Variants in DSCAM observed in about 807,000 individuals in gnomAD.
DSCAM encodes DS cell adhesion molecule, also known as cell adhesion molecule DSCAM.
DSCAM carries 47 observed loss-of-function variants against 217.7 expected under a neutral mutation model. The observed-to-expected ratio is 0.22, with a 90% confidence interval of 0.17 to 0.28. DSCAM has a LOEUF of 0.28. Ranked by LOEUF, DSCAM falls within the 10% of genes least tolerant of loss-of-function variation. DSCAM has a pLI of 1.00. For missense variants in DSCAM, 2,080 were observed against 2,618.3 expected, an observed-to-expected ratio of 0.79 and a Z score of 4.49; for synonymous variants, 1,056 against 1,015.3, an observed-to-expected ratio of 1.04 and a Z score of -0.76.
At chr21:40,317,502 A>G (rs1400902407) in intron 8 of DSCAM, among the ~76,000 whole-genome samples, 1 of 152,104 alleles carries the variant, frequency 6.6e-6, no homozygotes, top group Non-Finnish European at 1.5e-5. Context: ...AGTGGGATAA[A>G]TAGTGTCCTG....
intron 3 of DSCAM, among the ~76,000 whole-genome samples, chr21:40,369,697 T>C (rs2123699395): frequency 6.6e-6 from 1 of 152,226 alleles, no homozygotes; most frequent in Middle Eastern, 3.4e-3. Flanking sequence ...TATAAACTTT[T>C]GCCTCAGTTT....
intron 28 of DSCAM, among the ~76,000 whole-genome samples, chr21:40,062,090 G>A (rs931392494): frequency 1.3e-5 from 2 of 152,194 alleles, no homozygotes; most frequent in Admixed American, 1.3e-4. Context: ...AGAGTAAAAA[G>A]GTTGGACAGC....
intron 3 of DSCAM, among the ~76,000 whole-genome samples, chr21:40,641,973 G>A (rs2089886122): frequency 6.6e-6 from 1 of 151,676 alleles, no homozygotes; most frequent in African/African-American, 2.4e-5. Context: ...GTTTGAACCC[G>A]GGAGGCAGAG....
chr21:40,323,593 A>T (rs934728862), intron 8 of DSCAM, among the ~76,000 whole-genome samples: 3 of 152,232 alleles, frequency 2.0e-5, no homozygotes, highest in African/African-American at 7.2e-5. Context: ...CTTAAAAAAA[A>T]TGCTGTGTTT....
At chr21:40,405,290 AC>A (rs2075270975) in intron 3 of DSCAM, among the ~76,000 whole-genome samples, 2 of 152,176 alleles carry the variant, frequency 1.3e-5, no homozygotes, top group South Asian at 4.1e-4. Context: ...TCCCTCTGAG[AC>A]CTTGTGTATA....
In DSCAM at chr21:40,446,406, C is replaced by A. The variant is rs530795862; in HGVS notation, c.509-77161G>T. On this transcript the variant is annotated intron_variant, in intron 3 of 32. Transcript: ENST00000400454. ...GCCACTGGGCACAAGGAATGTCAGC[C>A]CATCTTGGATGTTGTCAGTGGAAAT... 4.6e-5 allele frequency among the ~76,000 whole-genome samples: 7 copies of A among 152,254 alleles called. No homozygotes were observed. The South Asian group carries it at 1.5e-3, about 32-fold the overall frequency.
chr21:40,298,995 C>T (rs1221563038), intron 9 of DSCAM, among the ~76,000 whole-genome samples: 2 of 152,016 alleles, frequency 1.3e-5, no homozygotes, highest in Non-Finnish European at 2.9e-5. Flanking sequence ...TACCCCGTAT[C>T]ATTGAAAACT....
At chr21:40,659,691 T>C (rs1177485160) in intron 3 of DSCAM, among the ~76,000 whole-genome samples, 3 of 152,180 alleles carry the variant, frequency 2.0e-5, no homozygotes, top group African/African-American at 7.2e-5. Context: ...GTCTATCTAT[T>C]ATCTATCTAT....
intron 3 of DSCAM, among the ~76,000 whole-genome samples, chr21:40,417,216 T>C (rs1230419070): frequency 1.3e-5 from 2 of 152,198 alleles, no homozygotes; most frequent in African/African-American, 4.8e-5. Context: ...CAATATATAA[T>C]ATTTCATACA....
At chr21:40,477,779 T>C (rs574180283) in intron 3 of DSCAM, among the ~76,000 whole-genome samples, 4 of 152,280 alleles carry the variant, frequency 2.6e-5, no homozygotes, top group Non-Finnish European at 5.9e-5. Flanking sequence ...ATTGTTAACA[T>C]TTTATTCAGT....
chr21:40,785,825 G>A (rs987509496), intron 1 of DSCAM, among the ~76,000 whole-genome samples: 1 of 152,220 alleles, frequency 6.6e-6, no homozygotes, highest in South Asian at 2.1e-4. Flanking sequence ...GAAGGGTAGA[G>A]ACAGACCCAC....
At position 40,431,270 on chromosome 21, in the gene DSCAM, G is replaced by T. The variant is rs539895786; in HGVS notation, c.509-62025C>A. On this transcript the variant is annotated intron_variant, in intron 3 of 32. Transcript: ENST00000400454. Reference sequence around the variant, plus strand: ...GATACACAAATTTTCTTCTGCCTCTGCCCCTCCTGAGATGAATCCTTCTCC... The same window carrying T: ...GATACACAAATTTTCTTCTGCCTCTTCCCCTCCTGAGATGAATCCTTCTCC... 1.8e-4 allele frequency among the ~76,000 whole-genome samples: 28 copies of T among 152,294 alleles called. 1 individual carries two copies. The South Asian group carries it at 5.4e-3, about 29-fold the overall frequency.
Position 40,620,080 on chromosome 21 carries a change from AAAAGAAAGAGAGAG to A in DSCAM, c.508+72716_508+72729del, listed in dbSNP as rs1405990634. 1.6e-4 allele frequency among the ~76,000 whole-genome samples: 15 copies of A among 91,980 alleles called. 1 individual carries two copies. Among genetic ancestry groups the A allele is most frequent in the Non-Finnish European group, 3.5e-4 (15 of 43,064 alleles). 60.3% of individuals were successfully genotyped at this position (91,980 alleles called of 152,430 possible). A position where few individuals can be genotyped will look rare whatever the true frequency, so the allele number is the denominator to read the frequency against. ...AAAAGAAAGAAAGAGAGAAAGAGAAAAAAGAAAGAGAGAGAAAGAGAGAGAAAAAAGAAAAAGAA... is the reference window on the plus strand; with the variant it reads ...AAAAGAAAGAAAGAGAGAAAGAGAAAAAAGAGAGAGAAAAAAGAAAAAGAA... On this transcript the variant is annotated intron_variant, in intron 3 of 32. Transcript: ENST00000400454.
chr21:40,827,479 AAAAAAAAG>A (rs2091978888), intron 1 of DSCAM, among the ~76,000 whole-genome samples: 1 of 130,372 alleles, frequency 7.7e-6, no homozygotes. Context: ...AAAAAAAAAA[AAAAAAAAG>A]AAAAGAAAGA....
chr21:40,289,922 G>C (rs2073870455), intron 10 of DSCAM, among the ~76,000 whole-genome samples: 1 of 152,218 alleles, frequency 6.6e-6, no homozygotes, highest in Non-Finnish European at 1.5e-5. Flanking sequence ...AGCCATGGCT[G>C]AAGAAGGGTG....
intron 11 of DSCAM, among the ~76,000 whole-genome samples, chr21:40,229,645 T>C (rs555843999): frequency 6.8e-4 from 104 of 152,354 alleles, no homozygotes; most frequent in African/African-American, 2.4e-3. Flanking sequence ...TCCCTTAATA[T>C]GCACTTAATT....
At chr21:40,031,967 T>C (rs1359330165) in intron 32 of DSCAM, among the ~76,000 whole-genome samples, 1 of 152,120 alleles carries the variant, frequency 6.6e-6, no homozygotes, top group Non-Finnish European at 1.5e-5. Context: ...GCCTCCAACC[T>C]TGCCCCTAGT....
intron 3 of DSCAM, among the ~76,000 whole-genome samples, chr21:40,676,422 C>T (rs1266294652): frequency 6.6e-6 from 1 of 152,158 alleles, no homozygotes; most frequent in Non-Finnish European, 1.5e-5. Context: ...TACTGGAGAA[C>T]CCTGGGAGGC....
chr21:40,364,341 T>C (rs1402007645), intron 4 of DSCAM, among the ~76,000 whole-genome samples: 4 of 152,206 alleles, frequency 2.6e-5, no homozygotes, highest in East Asian at 3.9e-4. Flanking sequence ...TGGAATACTA[T>C]GCAGCCATAA....
Sources: allele counts gnomAD v4.1 joint callset (sites outside exome capture counted in the v4.1 genomes callset), GRCh38; gene constraint gnomAD v4.1.1; transcripts MANE v1.5; gene names NCBI Gene and HGNC (gene_info 2026-07-23, HGNC 2026-07-21).